GRM8: variants seen among roughly 807,000 people sequenced by gnomAD.
GRM8 encodes metabotropic glutamate receptor 8.
GRM8 carries 47 observed loss-of-function variants against 87.2 expected under a neutral mutation model. The observed-to-expected ratio is 0.54, with a 90% CI of 0.43 to 0.69. The LOEUF (loss-of-function observed/expected upper bound fraction) is 0.69. Among genes scored for constraint, GRM8 ranks in the 30% least tolerant of loss-of-function variants. The pLI is 0.00. For missense variants in GRM8, 1,019 were observed against 1,139.2 expected (o/e 0.89, Z 1.52); for synonymous variants, 396 against 404.5 (o/e 0.98, Z 0.25).
chr7:126,690,086 T>C (rs1808638287), intron 7 of GRM8, among the ~76,000 whole-genome samples: 1 of 152,258 alleles, frequency 6.6e-6, no homozygotes, highest in Admixed American at 6.5e-5. Flanking sequence ...GAATTGCTTC[T>C]GATTTTATTC....
chr7:126,644,444 T>G (rs1361983), intron 7 of GRM8, among the ~76,000 whole-genome samples: 1 of 151,986 alleles, frequency 6.6e-6, no homozygotes. Context: ...TTTCCATGGA[T>G]AGAAATGATA....
intron 6 of GRM8, among the ~76,000 whole-genome samples, chr7:126,770,713 T>A (rs1256951820): frequency 6.6e-6 from 1 of 152,108 alleles, no homozygotes; most frequent in African/African-American, 2.4e-5. Context: ...GGGCTGCTCA[T>A]TGGCACTGGA....
intron 2 of GRM8, among the ~76,000 whole-genome samples, chr7:127,211,635 AG>A (rs755552001): frequency 2.6e-5 from 4 of 152,166 alleles, no homozygotes; most frequent in Non-Finnish European, 1.5e-5. Flanking sequence ...GGACTCTGGG[AG>A]GCCCCACCTT....
chr7:126,714,655 G>A (rs990009841), intron 7 of GRM8, among the ~76,000 whole-genome samples: 4 of 152,034 alleles, frequency 2.6e-5, no homozygotes, highest in Admixed American at 6.6e-5. Flanking sequence ...GTGGCTTCAC[G>A]GAAAAGATCA....
intron 7 of GRM8, 130 bp downstream of exon 7, chr7:126,769,735 C>T: frequency 1.6e-6 from 1 of 625,698 alleles, no homozygotes; most frequent in South Asian, 2.0e-5. Context: ...AAAACTCACA[C>T]TTCTAATCAA....
At chr7:127,109,241 A>G (rs1010572332) in intron 2 of GRM8, among the ~76,000 whole-genome samples, 50 of 152,270 alleles carry the variant, frequency 3.3e-4, no homozygotes, top group African/African-American at 1.2e-3. Flanking sequence ...GAAGCGGAGG[A>G]AAAAAATGAA....
chr7:126,950,831 G>T (rs1392000239), intron 3 of GRM8, among the ~76,000 whole-genome samples: 3 of 151,922 alleles, frequency 2.0e-5, no homozygotes. Context: ...AAAAACTTTT[G>T]GTGGTCCAGA....
chr7:127,197,061 T>C (rs913473439), intron 2 of GRM8, among the ~76,000 whole-genome samples: 1 of 152,180 alleles, frequency 6.6e-6, no homozygotes, highest in African/African-American at 2.4e-5. Context: ...ACGCTCTAAC[T>C]ATTAGCTATA....
At chr7:127,145,531 T>G (rs1377200579) in intron 2 of GRM8, among the ~76,000 whole-genome samples, 2 of 152,184 alleles carry the variant, frequency 1.3e-5, no homozygotes, top group East Asian at 3.9e-4. Flanking sequence ...CATCAACTTT[T>G]CATATTACTG....
chr7:127,241,961 AT>A (rs1798330560), intron 2 of GRM8, among the ~76,000 whole-genome samples: 1 of 152,214 alleles, frequency 6.6e-6, no homozygotes, highest in South Asian at 2.1e-4. Context: ...TTTTCAAAGT[AT>A]TTTTACATAT....
chr7:126,540,524 A>C lies in GRM8; in HGVS notation c.1495-6637T>G, dbSNP rs188164339. Among the ~76,000 whole-genome samples, 118 of 152,308 alleles carry C rather than the reference A, an allele frequency of 7.7e-4. 2 individuals are homozygous for C. In the East Asian group the frequency reaches 0.02, roughly 26 times the overall value. Reference sequence around the variant, plus strand: ...AACAGGATTATTCATAATACCCCCCAAAACCAGAAACAACCCAAATGACCA... The same window carrying C: ...AACAGGATTATTCATAATACCCCCCCAAACCAGAAACAACCCAAATGACCA... On this transcript the variant is annotated intron_variant, in intron 8 of 10. Coordinates refer to ENST00000339582, the MANE Select transcript of GRM8 (RefSeq NM_000845.3).
chr7:126,530,149 T>C (rs1584956917), intron 9 of GRM8, among the ~76,000 whole-genome samples: 1 of 152,204 alleles, frequency 6.6e-6, no homozygotes, highest in Non-Finnish European at 1.5e-5. Context: ...TACCCAAATG[T>C]TTTCCAAAAC....
chr7:126,928,814 TATA>T (rs915500449), intron 3 of GRM8, among the ~76,000 whole-genome samples: 1 of 152,132 alleles, frequency 6.6e-6, no homozygotes, highest in Admixed American at 6.5e-5. Flanking sequence ...CGTCTACCCT[TATA>T]ATAATAGGAG....
In GRM8 at chr7:126,554,816, C is replaced by T. The variant is rs144647955; in HGVS notation, c.1495-20929G>A. ...ATTGTCATATATGTTATTTTTAGGG[C>T]ACTAAATTACATAACTTTGTTTCTA... On this transcript the variant is annotated intron_variant, in intron 8 of 10. Transcript: ENST00000339582. 4.3e-3 allele frequency among the ~76,000 whole-genome samples: 649 copies of T among 152,018 alleles called. 11 individuals carry two copies. Among genetic ancestry groups the T allele is most frequent in the South Asian group, 0.042 (203 of 4,814 alleles).
chr7:126,617,297 G>A (rs1799609159), intron 7 of GRM8, among the ~76,000 whole-genome samples: 1 of 152,188 alleles, frequency 6.6e-6, no homozygotes, highest in Non-Finnish European at 1.5e-5. Flanking sequence ...CTCAATAGAT[G>A]AAGAAAAGGC....
intron 3 of GRM8, among the ~76,000 whole-genome samples, chr7:127,059,355 G>A (rs867005633): frequency 0.02 from 1,617 of 79,780 alleles, 24 homozygotes; most frequent in African/African-American, 0.071. Flanking sequence ...TGTTTTTTTT[G>A]AGATGGAGTC....
chr7:126,701,946 A>G (rs1809978001), intron 7 of GRM8: 2 of 344,212 alleles, frequency 5.8e-6, no homozygotes, highest in Non-Finnish European at 1.2e-5. Context: ...TAATCATGCT[A>G]CCCATTTCTT....
intron 8 of GRM8, among the ~76,000 whole-genome samples, chr7:126,569,390 T>C (rs1794507293): frequency 6.6e-6 from 1 of 152,202 alleles, no homozygotes. Flanking sequence ...TGTATCCACA[T>C]GTTTGTTCCC....
intron 3 of GRM8, among the ~76,000 whole-genome samples, chr7:126,952,299 T>C (rs889482629): frequency 6.6e-6 from 1 of 151,920 alleles, no homozygotes; most frequent in African/African-American, 2.4e-5. Flanking sequence ...TGGATATAAA[T>C]AATCTATTAT....
Sources: gnomAD v4.1 joint callset for allele counts (sites outside exome capture counted in the v4.1 genomes callset) on GRCh38, gnomAD v4.1.1 for gene constraint, MANE v1.5 for transcripts, NCBI Gene and HGNC (gene_info 2026-07-23, HGNC 2026-07-21) for gene names.